ENTREP1: variants seen among roughly 807,000 people sequenced by gnomAD.
ENTREP1 encodes Friedreich ataxia region gene X123.
the ENTREP1 span, among the ~76,000 whole-genome samples, chr9:69,330,230 C>G: frequency 6.6e-6 from 1 of 152,146 alleles, no homozygotes; most frequent in African/African-American, 2.4e-5. Flanking sequence ...CCACACTGCA[C>G]TAGATTTAAT....
chr9:69,350,029 G>A, the ENTREP1 span, among the ~76,000 whole-genome samples: 1 of 152,178 alleles, frequency 6.6e-6, no homozygotes, highest in East Asian at 1.9e-4. Context: ...TTGATTCTCT[G>A]TGTTGTCTTT....
chr9:69,379,039 A>C, the ENTREP1 span, among the ~76,000 whole-genome samples: 1 of 150,196 alleles, frequency 6.7e-6, no homozygotes, highest in Non-Finnish European at 1.5e-5. Flanking sequence ...GGATAAGCAA[A>C]CATCTGTTGA....
chr9:69,367,336 T>A, the ENTREP1 span, among the ~76,000 whole-genome samples: 1 of 151,844 alleles, frequency 6.6e-6, no homozygotes, highest in Non-Finnish European at 1.5e-5. Flanking sequence ...TTTGGCTCTT[T>A]GGGCATTTTT....
At chr9:69,369,154 A>G in the ENTREP1 span, among the ~76,000 whole-genome samples, 1 of 152,200 alleles carries the variant, frequency 6.6e-6, no homozygotes, top group Non-Finnish European at 1.5e-5. Context: ...TGCAAAGGAC[A>G]TGAACTCATT....
At chr9:69,360,866 A>G in the ENTREP1 span, among the ~76,000 whole-genome samples, 1 of 150,444 alleles carries the variant, frequency 6.6e-6, no homozygotes, top group African/African-American at 2.5e-5. Context: ...GGTATATTAA[A>G]AACACATTTA....
the ENTREP1 span, among the ~76,000 whole-genome samples, chr9:69,358,510 C>A: frequency 3.9e-5 from 6 of 152,060 alleles, no homozygotes; most frequent in East Asian, 1.2e-3. Flanking sequence ...CATTTTTTAA[C>A]ATTTATTTGT....
the ENTREP1 span, among the ~76,000 whole-genome samples, chr9:69,366,940 A>C: frequency 6.6e-6 from 1 of 152,186 alleles, no homozygotes; most frequent in South Asian, 2.1e-4. Context: ...ATTTTGAGAC[A>C]GGTTGTTGGC....
At chr9:69,389,461 A>G in the ENTREP1 span, among the ~76,000 whole-genome samples, 5 of 152,124 alleles carry the variant, frequency 3.3e-5, no homozygotes, top group African/African-American at 1.2e-4. Context: ...TTCAGCGGGG[A>G]GGAATGATCT....
At chr9:69,384,585 C>T in the ENTREP1 span, among the ~76,000 whole-genome samples, 7 of 152,254 alleles carry the variant, frequency 4.6e-5, no homozygotes, top group South Asian at 4.2e-4. Flanking sequence ...TCATGCTGCC[C>T]GAGCAGCTAA....
chr9:69,356,788 A>G, the ENTREP1 span, among the ~76,000 whole-genome samples: 1 of 152,206 alleles, frequency 6.6e-6, no homozygotes, highest in South Asian at 2.1e-4. Flanking sequence ...CTCATGTGTC[A>G]CATGATCCAC....
chr9:69,334,260 G>T, the ENTREP1 span, among the ~76,000 whole-genome samples: 1 of 152,190 alleles, frequency 6.6e-6, no homozygotes, highest in African/African-American at 2.4e-5. Context: ...GATTTAAAGG[G>T]ATTGCAAGGT....
chr9:69,359,734 C>T, the ENTREP1 span, among the ~76,000 whole-genome samples: 1 of 152,148 alleles, frequency 6.6e-6, no homozygotes, highest in East Asian at 1.9e-4. Flanking sequence ...GGTGTGAGGA[C>T]TGAGAGTGGG....
the ENTREP1 span, among the ~76,000 whole-genome samples, chr9:69,366,930 A>G: frequency 3.3e-5 from 5 of 151,754 alleles, no homozygotes; most frequent in Non-Finnish European, 7.4e-5. Context: ...TAATTTATTT[A>G]TTTTGAGACA....
At chr9:69,334,632 C>T in the ENTREP1 span, among the ~76,000 whole-genome samples, 1 of 152,174 alleles carries the variant, frequency 6.6e-6, no homozygotes, top group Non-Finnish European at 1.5e-5. Flanking sequence ...GCTCAGAGTG[C>T]TCAAATGGCA....
the ENTREP1 span, among the ~76,000 whole-genome samples, chr9:69,348,457 C>T: frequency 6.6e-6 from 1 of 152,062 alleles, no homozygotes; most frequent in African/African-American, 2.4e-5. Flanking sequence ...AGTTGACACA[C>T]CAAAAAATTC....
chr9:69,348,480 T>G, the ENTREP1 span, among the ~76,000 whole-genome samples: 1 of 152,186 alleles, frequency 6.6e-6, no homozygotes. Context: ...ACATTTAAAG[T>G]ATACAATTCA....
the ENTREP1 span, among the ~76,000 whole-genome samples, chr9:69,363,712 C>T: frequency 2.0e-5 from 3 of 152,200 alleles, no homozygotes; most frequent in Admixed American, 2.0e-4. Flanking sequence ...CAGCCTCACT[C>T]TCTTCCCTCC....
the ENTREP1 span, among the ~76,000 whole-genome samples, chr9:69,366,544 A>G: frequency 1.5e-4 from 23 of 151,998 alleles, no homozygotes; most frequent in African/African-American, 5.3e-4. Flanking sequence ...TTAGTTTAAT[A>G]TAGTCTCATT....
chr9:69,371,397 A>ATC, the ENTREP1 span: 3 of 897,082 alleles, frequency 3.3e-6, no homozygotes, highest in East Asian at 2.4e-5. Context: ...TTTTTAAAAA[A>ATC]ATGTTCTCTT....
Sources: gnomAD v4.1 joint callset for allele counts (sites outside exome capture counted in the v4.1 genomes callset) on GRCh38, gnomAD v4.1.1 for gene constraint, MANE v1.5 for transcripts, NCBI Gene and HGNC (gene_info 2026-07-23, HGNC 2026-07-21) for gene names.